The following ZFP90 variants were observed in gnomAD, a reference collection of about 807,000 sequenced individuals.
ZFP90 encodes ZFP90 zinc finger protein, also known as zinc finger protein 90 homolog.
ZFP90 carries 38 observed loss-of-function variants against 60.8 expected under a neutral mutation model. The ratio of observed to expected loss-of-function variants is 0.62; its 90% CI spans 0.48 to 0.82. The LOEUF (loss-of-function observed/expected upper bound fraction) is 0.82, where lower values mean the gene tolerates loss of function less well. ZFP90 is among the 40% of genes least tolerant of loss of function. The pLI, the probability that ZFP90 is intolerant of heterozygous loss-of-function variation, is 0.00. For missense variants in ZFP90, 711 were observed against 759.1 expected (o/e 0.94, Z 0.74); for synonymous variants, 287 against 264.8 (o/e 1.08, Z -0.82).
chr16:68,561,983 T>C (rs1477192344), intron 4 of ZFP90: 1 of 152,210 alleles, frequency 6.6e-6, no homozygotes, highest in Non-Finnish European at 1.5e-5. Context: ...TAACATGTTA[T>C]TTTATTTGCT....
rs544072359 is a variant in ZFP90 at position 68,539,992 on chromosome 16, C to T, written c.33+167C>T. 8.5e-5 allele frequency among the ~76,000 whole-genome samples: 13 copies of T among 152,324 alleles called. No homozygotes were observed. The South Asian group carries it at 2.7e-3, about 32-fold the overall frequency. The stretch of plus-strand genomic sequence containing the variant: ...ACCCCAGGCTTTGGGGAGCTGGATT[C>T]CCAAAGGGGAGGCTGCTCTGTGGGG... On this transcript the variant is annotated intron_variant, in intron 2 of 4. Coordinates refer to ENST00000563169, the MANE Select transcript of ZFP90 (RefSeq NM_001305203.2).
intron 2 of ZFP90, among the ~76,000 whole-genome samples, chr16:68,542,599 C>A (rs2008570): frequency 0.77 from 116,457 of 151,962 alleles, 44,711 homozygotes; most frequent in East Asian, 0.82. Flanking sequence ...TCAAAAAAAC[C>A]AACCCCAAAA....
In ZFP90 at chr16:68,558,064, G is replaced by A; in HGVS notation, c.100G>A (p.Ala34Thr). 2 of 1,613,914 alleles carry A rather than the reference G, an allele frequency of 1.2e-6. No individual in the cohort carries two copies. Among genetic ancestry groups the A allele is most frequent in the Non-Finnish European group, 1.7e-6 (2 of 1,179,968 alleles). Residue 34 changes from alanine (A) to threonine (T), a missense_variant, in exon 3 of 5, where the codon GCT becomes ACT. By Grantham distance (58) the Ala-to-Thr change is moderately conservative. Transcript: ENST00000563169. Reference sequence around the variant, plus strand: ...GGAAGAATGGTACCATGTCGACCCTGCTCAGAGGAGCTTATACAGGGATGT... The same window carrying A: ...GGAAGAATGGTACCATGTCGACCCTACTCAGAGGAGCTTATACAGGGATGT... The part of the protein sequence containing the change: ...TQEEWYHVDP[A>T]QRSLYRDVML...
At chr16:68,557,940 A>G in intron 2 of ZFP90, 58 bp from the exon 3 acceptor site, 2 of 1,607,462 alleles carry the variant, frequency 1.2e-6, no homozygotes, top group Non-Finnish European at 1.7e-6. Flanking sequence ...TGTTCCCAGC[A>G]TTGCCTTAGA....
At position 68,563,619 on chromosome 16, in the gene ZFP90, G is replaced by A. The variant is rs2091470415; in HGVS notation, c.832G>A (p.Gly278Arg). Residue 278 changes from glycine to arginine, a missense_variant, in exon 5 of 5, where the codon GGG becomes AGG. Transcript: ENST00000563169. ...QLTEHQRIHTGEKPFECNVCG... is the reference protein window; with the variant it reads ...QLTEHQRIHTREKPFECNVCG... ...TACTGAGCATCAGAGAATTCACACT[G>A]GGGAGAAACCCTTTGAATGCAATGT... 6.2e-7 allele frequency: 1 copy of A among 1,614,006 alleles called. No individual in the cohort carries two copies. The highest frequency in any genetic ancestry group is 8.5e-7 in the Non-Finnish European group (1 of 1,180,016).
At chr16:68,552,367 T>G (rs2091277315) in intron 2 of ZFP90, among the ~76,000 whole-genome samples, 1 of 152,136 alleles carries the variant, frequency 6.6e-6, no homozygotes, top group Non-Finnish European at 1.5e-5. Context: ...GAGTGACCAC[T>G]GGGTAACAGA....
At chr16:68,557,024 G>T (rs544200598) in intron 2 of ZFP90, 2 of 339,330 alleles carry the variant, frequency 5.9e-6, no homozygotes, top group Non-Finnish European at 6.0e-6. Context: ...GTCTCACTCC[G>T]TCATCCAGGC....
At chr16:68,555,023 A>T (rs1039488193) in intron 2 of ZFP90, 1 of 152,034 alleles carries the variant, frequency 6.6e-6, no homozygotes, top group African/African-American at 2.4e-5. Context: ...CTCCCTTCTC[A>T]AGCTTCCCAG....
At chr16:68,533,530 C>A (rs1219626587) in intron 1 of ZFP90, among the ~76,000 whole-genome samples, 1 of 152,262 alleles carries the variant, frequency 6.6e-6, no homozygotes, top group East Asian at 1.9e-4. Context: ...AATCATTTTC[C>A]TTCCATTTGA....
At chr16:68,541,299 A>G (rs2091045340) in intron 2 of ZFP90, among the ~76,000 whole-genome samples, 1 of 151,526 alleles carries the variant, frequency 6.6e-6, no homozygotes, top group South Asian at 2.1e-4. Flanking sequence ...TGGCCTCCCA[A>G]GGTGCTGGGA....
At chr16:68,546,671 C>T (rs2091155627) in intron 2 of ZFP90, among the ~76,000 whole-genome samples, 3 of 152,112 alleles carry the variant, frequency 2.0e-5, no homozygotes, top group Admixed American at 2.0e-4. Flanking sequence ...GCCACCACGC[C>T]CAGCTAATTT....
Position 68,539,368 on chromosome 16 carries a change from A to T in ZFP90, c.-147A>T, listed in dbSNP as rs1168920163. On this transcript the variant is annotated 5_prime_UTR_variant, in exon 1 of 5. Transcript: ENST00000563169. ...AGGCCCCTTTGGGCAGCCCCTCCGC[A>T]GATCAGAATTGGAGATAACCGAGGC... 2 of 215,556 alleles carry T rather than the reference A, an allele frequency of 9.3e-6. No homozygotes were observed. The highest frequency in any genetic ancestry group is 9.1e-6 in the Non-Finnish European group (1 of 109,566). 13.4% of individuals were successfully genotyped at this position (215,556 alleles called of 1,614,324 possible).
At chr16:68,575,074 G>T (rs1286940743) in intron 2 of ZFP90, among the ~76,000 whole-genome samples, 1 of 152,208 alleles carries the variant, frequency 6.6e-6, no homozygotes, top group African/African-American at 2.4e-5. Context: ...ATAAGCTGTG[G>T]TTTAGACAAC....
At chr16:68,549,630 G>A (rs1349906244) in intron 2 of ZFP90, among the ~76,000 whole-genome samples, 2 of 142,112 alleles carry the variant, frequency 1.4e-5, no homozygotes, top group Admixed American at 7.5e-5. Context: ...AGTGAGCCGA[G>A]ATCGTGCCAC....
chr16:68,561,658 T>C (rs543779674), intron 4 of ZFP90, among the ~76,000 whole-genome samples: 1 of 152,328 alleles, frequency 6.6e-6, no homozygotes, highest in South Asian at 2.1e-4. Flanking sequence ...GCAGAGCATA[T>C]AGAAAGCAAT....
At position 68,557,416 on chromosome 16, in the gene ZFP90, G is replaced by A. The variant is rs1458191712; in HGVS notation, c.34-582G>A. 1.7e-5 allele frequency: 6 copies of A among 363,508 alleles called. No individual in the cohort carries two copies. In the East Asian group the frequency reaches 4.5e-4, roughly 27 times the overall value. The allele number at this position is 363,508 out of a possible 1,614,324, so 22.5% of individuals were successfully genotyped here. A position where few individuals can be genotyped will look rare whatever the true frequency, so the allele number is the denominator to read the frequency against. On this transcript the variant is annotated intron_variant, in intron 2 of 4. Coordinates refer to ENST00000563169, the MANE Select transcript of ZFP90 (RefSeq NM_001305203.2). ...GTACTATGAAGCAGTTCAATAAGGT[G>A]CAATTATTCCACTATGCAAAGATCT... is the stretch of plus-strand genomic sequence containing the variant.
downstream of ZFP90, chr16:68,567,170 C>T: frequency 1.0e-6 from 1 of 985,486 alleles, no homozygotes; most frequent in Non-Finnish European, 1.2e-6. Context: ...CAGAACTTGG[C>T]TAAGATTAAA....
At position 68,563,319 on chromosome 16, in the gene ZFP90, G is replaced by A; in HGVS notation, c.532G>A (p.Ala178Thr). ...TTTGGTTACACAACTGAACATTCCT[G>A]CAAGAATAAGGCCTAGTGAATGTGA... ...TNLVTQLNIP[A>T]RIRPSECETL... Residue 178 changes from alanine (A) to threonine (T), a missense_variant, in exon 5 of 5, where the codon GCA (alanine) becomes ACA (threonine). Physicochemically the swap from Ala to Thr is moderately conservative, Grantham distance 58 (BLOSUM62 0). Transcript: ENST00000563169. 6.2e-7 allele frequency: 1 copy of A among 1,614,188 alleles called. No homozygotes were observed. Among genetic ancestry groups the A allele is most frequent in the Non-Finnish European group, 8.5e-7 (1 of 1,180,026 alleles).
At position 68,564,722 on chromosome 16, in the gene ZFP90, C is replaced by A; in HGVS notation, c.*24C>A. ...AGGAACCGTGAAATTAAGGAATTTGCAGAATGCTTTAGCTAAAATGTTCTG... is the reference window on the plus strand; with the variant it reads ...AGGAACCGTGAAATTAAGGAATTTGAAGAATGCTTTAGCTAAAATGTTCTG... On this transcript the variant is annotated 3_prime_UTR_variant, in exon 5 of 5. Transcript: ENST00000563169. 6.4e-7 allele frequency: 1 copy of A among 1,573,426 alleles called. No homozygotes were observed. The highest frequency in any genetic ancestry group is 8.6e-7 in the Non-Finnish European group (1 of 1,164,276).
Sources: gnomAD v4.1 joint callset for allele counts (sites outside exome capture counted in the v4.1 genomes callset) on GRCh38, gnomAD v4.1.1 for gene constraint, MANE v1.5 for transcripts, NCBI Gene and HGNC (gene_info 2026-07-23, HGNC 2026-07-21) for gene names.